SYN3: variants seen among roughly 807,000 people sequenced by gnomAD.
The protein encoded by SYN3 is synapsin III, also known as synapsin-3.
Under a neutral mutation model 65.8 loss-of-function variants are expected in SYN3, and 35 were observed. The ratio of observed to expected loss-of-function variants is 0.53; its 90% CI spans 0.41 to 0.70. The LOEUF (loss-of-function observed/expected upper bound fraction) is 0.70, where lower values mean the gene tolerates loss of function less well. SYN3 is among the 30% of genes least tolerant of loss of function. The pLI is 0.00. For missense variants in SYN3, 680 were observed against 749.0 expected, an observed-to-expected ratio of 0.91 and a Z score of 1.08; for synonymous variants, 270 against 292.9, an observed-to-expected ratio of 0.92 and a Z score of 0.80.
chr22:32,608,953 T>C (rs1379224121), intron 6 of SYN3, among the ~76,000 whole-genome samples: 1 of 152,186 alleles, frequency 6.6e-6, no homozygotes, highest in Non-Finnish European at 1.5e-5. Flanking sequence ...ATTGCTCTTT[T>C]TTTCTTCTTC....
At chr22:32,661,507 CT>C (rs2060216492) in intron 6 of SYN3, among the ~76,000 whole-genome samples, 1 of 152,242 alleles carries the variant, frequency 6.6e-6, no homozygotes, top group Non-Finnish European at 1.5e-5. Flanking sequence ...TTCTTACTTA[CT>C]TTCTTTTTTT....
At chr22:32,864,404 T>A (rs1192657948) in intron 6 of SYN3, among the ~76,000 whole-genome samples, 3 of 152,186 alleles carry the variant, frequency 2.0e-5, no homozygotes, top group African/African-American at 7.2e-5. Context: ...CTGTACCACA[T>A]ATCCTGAGCT....
At chr22:32,982,549 G>A (rs1344804111) in intron 2 of SYN3, among the ~76,000 whole-genome samples, 3 of 152,100 alleles carry the variant, frequency 2.0e-5, no homozygotes, top group Non-Finnish European at 2.9e-5. Context: ...TCTCTATACT[G>A]AGAGTCTCTT....
At chr22:32,611,720 A>G (rs75019831) in intron 6 of SYN3, among the ~76,000 whole-genome samples, 1,553 of 152,292 alleles carry the variant, frequency 0.01, 10 homozygotes, top group Non-Finnish European at 0.018. Flanking sequence ...GGATGCTGTG[A>G]CGTGATAAGA....
intron 1 of SYN3, among the ~76,000 whole-genome samples, chr22:33,046,450 TG>T (rs1256597583): frequency 6.6e-6 from 1 of 152,222 alleles, no homozygotes; most frequent in Non-Finnish European, 1.5e-5. Context: ...CTGTGTGCAG[TG>T]GCTCACACCT....
intron 6 of SYN3, among the ~76,000 whole-genome samples, chr22:32,723,781 A>G (rs1453245038): frequency 4.6e-5 from 7 of 152,208 alleles, no homozygotes; most frequent in African/African-American, 9.7e-5. Context: ...CTAAGTAGAA[A>G]CCACAGAAAC....
intron 6 of SYN3, among the ~76,000 whole-genome samples, chr22:32,673,752 A>G (rs1238202806): frequency 2.0e-5 from 3 of 152,188 alleles, no homozygotes; most frequent in Non-Finnish European, 4.4e-5. Flanking sequence ...GGGATGAGAG[A>G]AAGATGGTGA....
chr22:32,947,538 G>A (rs561917356), intron 3 of SYN3: 1 of 152,224 alleles, frequency 6.6e-6, no homozygotes, highest in South Asian at 2.1e-4. Context: ...CAGAGAGCAG[G>A]GGAAAGGCTC....
intron 4 of SYN3, among the ~76,000 whole-genome samples, chr22:32,889,552 TA>T (rs1192403894): frequency 1.3e-5 from 2 of 152,238 alleles, no homozygotes; most frequent in African/African-American, 4.8e-5. Flanking sequence ...TCCCAGGATG[TA>T]AAGATAATGT....
chr22:32,895,272 A>T (rs1357153098), intron 4 of SYN3, among the ~76,000 whole-genome samples: 1 of 152,224 alleles, frequency 6.6e-6, no homozygotes, highest in East Asian at 1.9e-4. Flanking sequence ...CTCTGGACTT[A>T]GACTGGGACT....
At chr22:32,976,667 G>A (rs2052198079) in intron 3 of SYN3, among the ~76,000 whole-genome samples, 1 of 152,178 alleles carries the variant, frequency 6.6e-6, no homozygotes, top group Admixed American at 6.5e-5. Flanking sequence ...CGCAGAGCCA[G>A]TAGGGCATTC....
chr22:32,722,614 G>T (rs745652150), intron 6 of SYN3, among the ~76,000 whole-genome samples: 1 of 152,204 alleles, frequency 6.6e-6, no homozygotes, highest in Non-Finnish European at 1.5e-5. Flanking sequence ...ATTGGTGGCC[G>T]AGGCCAGTTT....
chr22:32,954,588 C>T (rs999906913), intron 3 of SYN3, among the ~76,000 whole-genome samples: 1 of 152,230 alleles, frequency 6.6e-6, no homozygotes, highest in African/African-American at 2.4e-5. Context: ...AGCCCTCTGG[C>T]TCTCCTGATG....
At chr22:32,891,758 T>C (rs938025628) in intron 4 of SYN3, among the ~76,000 whole-genome samples, 8 of 152,116 alleles carry the variant, frequency 5.3e-5, no homozygotes, top group East Asian at 1.9e-4. Flanking sequence ...CATACTTCCG[T>C]ATAACTCATT....
chr22:32,581,023 C>T (rs1008479457), intron 7 of SYN3, among the ~76,000 whole-genome samples: 81 of 152,334 alleles, frequency 5.3e-4, no homozygotes, highest in African/African-American at 1.8e-3. Context: ...ATCAACATCT[C>T]TTAAGTATCT....
At chr22:32,942,324 C>T (rs982754449) in intron 3 of SYN3, among the ~76,000 whole-genome samples, 4 of 152,194 alleles carry the variant, frequency 2.6e-5, no homozygotes, top group African/African-American at 9.7e-5. Context: ...CTGCTGATAC[C>T]CAGGCAAACA....
intron 6 of SYN3, among the ~76,000 whole-genome samples, chr22:32,677,089 C>G (rs947817647): frequency 6.6e-6 from 1 of 152,194 alleles, no homozygotes; most frequent in African/African-American, 2.4e-5. Flanking sequence ...CATGTTGTGG[C>G]AGACGCAATG....
At chr22:33,023,131 C>G (rs2145867370) in intron 1 of SYN3, among the ~76,000 whole-genome samples, 1 of 152,262 alleles carries the variant, frequency 6.6e-6, no homozygotes, top group South Asian at 2.1e-4. Flanking sequence ...AGGAGGATTG[C>G]TTGAGTCCAG....
intron 6 of SYN3, among the ~76,000 whole-genome samples, chr22:32,744,192 G>A (rs1280729102): frequency 6.6e-6 from 1 of 152,090 alleles, no homozygotes; most frequent in East Asian, 1.9e-4. Context: ...CTATGAACGT[G>A]TTTACCAGAA....
Sources: allele counts gnomAD v4.1 joint callset (sites outside exome capture counted in the v4.1 genomes callset), GRCh38; gene constraint gnomAD v4.1.1; transcripts MANE v1.5; gene names NCBI Gene and HGNC (gene_info 2026-07-23, HGNC 2026-07-21).